LDAH: variants seen among roughly 807,000 people sequenced by gnomAD.
The protein encoded by LDAH is lipid droplet associated hydrolase.
Under a neutral mutation model 29.6 loss-of-function variants are expected in LDAH, and 26 were observed. The ratio of observed to expected loss-of-function variants is 0.88; its 90% CI spans 0.64 to 1.22. LDAH has a LOEUF of 1.22. Among genes scored for constraint, LDAH ranks in the 50% most tolerant of loss-of-function variants. LDAH has a pLI of 0.00. For synonymous variants in LDAH, 117 were observed against 133.0 expected (o/e 0.88, Z 0.83); for missense variants, 344 against 387.3 (o/e 0.89, Z 0.94).
intron 4 of LDAH, among the ~76,000 whole-genome samples, chr2:20,773,149 C>T (rs1669547880): frequency 1.3e-5 from 2 of 152,062 alleles, no homozygotes; most frequent in South Asian, 2.1e-4. Context: ...ATAGCTAATA[C>T]TTATTTGGAA....
At chr2:20,729,768 A>G (rs1284565107) in intron 5 of LDAH, among the ~76,000 whole-genome samples, 1 of 152,220 alleles carries the variant, frequency 6.6e-6, no homozygotes, top group Non-Finnish European at 1.5e-5. Context: ...TTGCAAAACC[A>G]CAGTATAATG....
intron 5 of LDAH, among the ~76,000 whole-genome samples, chr2:20,735,159 C>A (rs2149430772): frequency 6.6e-6 from 1 of 152,252 alleles, no homozygotes; most frequent in African/African-American, 2.4e-5. Context: ...TCTGTAAATT[C>A]ATATCTTTTG....
intron 4 of LDAH, among the ~76,000 whole-genome samples, chr2:20,763,948 G>A (rs1306841833): frequency 6.9e-6 from 1 of 144,520 alleles, no homozygotes; most frequent in Non-Finnish European, 1.5e-5. Context: ...TCCATGCTTG[G>A]TTTCAGCCCA....
intron 4 of LDAH, among the ~76,000 whole-genome samples, chr2:20,760,958 TCTTTC>T (rs1387492791): frequency 6.6e-6 from 1 of 152,184 alleles, no homozygotes; most frequent in Admixed American, 6.5e-5. Flanking sequence ...ACCCCTAAGC[TCTTTC>T]CTTTCACTTA....
chr2:20,726,532 A>G (rs1037693948), intron 5 of LDAH, among the ~76,000 whole-genome samples: 3 of 152,220 alleles, frequency 2.0e-5, no homozygotes, highest in Admixed American at 2.0e-4. Flanking sequence ...AGATAGTCTT[A>G]GAAACCCAGA....
At chr2:20,748,687 G>C (rs1280533282) in intron 4 of LDAH, among the ~76,000 whole-genome samples, 3 of 152,154 alleles carry the variant, frequency 2.0e-5, no homozygotes, top group Non-Finnish European at 4.4e-5. Flanking sequence ...GTGTTCTCCA[G>C]GTAGCCTCAG....
intron 2 of LDAH, among the ~76,000 whole-genome samples, chr2:20,798,013 C>A (rs1038944072): frequency 2.0e-5 from 3 of 151,986 alleles, no homozygotes; most frequent in Non-Finnish European, 4.4e-5. Flanking sequence ...ATACAAAAGG[C>A]GAAAATCAGA....
rs746983389 is a variant in LDAH at position 20,790,372 on chromosome 2, C to T, written c.181G>A (p.Val61Met). The change falls in exon 3 of 7, where the codon GTG becomes ATG. Residue 61 changes from valine to methionine, a missense_variant. Physicochemically the swap from Val to Met is conservative, Grantham distance 21. Transcript: ENST00000237822. ...PGNPGFSAFY[V>M]PFAKALYSLT... ...GAGTATAAAGCCTTTGCAAATGGCACATAAAAGGCAGAAAAACCTGGGTTA... is the reference window on the plus strand; with the variant it reads ...GAGTATAAAGCCTTTGCAAATGGCATATAAAAGGCAGAAAAACCTGGGTTA... 6.8e-6 allele frequency: 11 copies of T among 1,613,366 alleles called. No homozygotes were observed. The East Asian group carries it at 1.8e-4, about 26-fold the overall frequency.
intron 5 of LDAH, among the ~76,000 whole-genome samples, chr2:20,722,099 G>A (rs1181651193): frequency 6.6e-6 from 1 of 152,104 alleles, no homozygotes; most frequent in African/African-American, 2.4e-5. Context: ...CTTACGGCTG[G>A]GCACAGTGGC....
At chr2:20,760,872 AG>A (rs1360048960) in intron 4 of LDAH, among the ~76,000 whole-genome samples, 1 of 152,154 alleles carries the variant, frequency 6.6e-6, no homozygotes, top group Non-Finnish European at 1.5e-5. Flanking sequence ...CCACTTATGG[AG>A]GGGATTACGT....
intron 4 of LDAH, among the ~76,000 whole-genome samples, chr2:20,740,520 GCTGGTCTTGATCTC>G (rs1667101499): frequency 6.6e-6 from 1 of 152,056 alleles, no homozygotes; most frequent in Non-Finnish European, 1.5e-5. Context: ...TGTTGCCCAG[GCTGGTCTTGATCTC>G]CTGGGATCAA....
chr2:20,695,522 G>C (rs186007515), intron 6 of LDAH, among the ~76,000 whole-genome samples: 18 of 147,564 alleles, frequency 1.2e-4, no homozygotes, highest in Admixed American at 8.2e-4. Context: ...GCATGATCTT[G>C]GCTCACTGCA....
intron 4 of LDAH, among the ~76,000 whole-genome samples, chr2:20,757,301 C>T (rs1441510812): frequency 6.6e-6 from 1 of 152,128 alleles, no homozygotes; most frequent in African/African-American, 2.4e-5. Flanking sequence ...AGAGAAGGCA[C>T]TCTAGGCTTT....
At chr2:20,691,834 T>C (rs1167830627) in intron 6 of LDAH, among the ~76,000 whole-genome samples, 1 of 152,218 alleles carries the variant, frequency 6.6e-6, no homozygotes, top group Non-Finnish European at 1.5e-5. Flanking sequence ...GCTTTGGCTT[T>C]TCCTCCTGTG....
Position 20,685,504 on chromosome 2 carries a change from T to C in LDAH, c.*1399A>G. ...CCCTCTGAGAAGTCACTTGCTGTGA[T>C]GTAGAAGCTATGCCAAAGCACAGTA... On this transcript the variant is annotated 3_prime_UTR_variant, in exon 7 of 7. Transcript: ENST00000237822. The C allele has an allele frequency of 6.5e-7, 1 of 1,543,832 alleles. No homozygotes were observed. The highest frequency in any genetic ancestry group is 8.7e-7 in the Non-Finnish European group (1 of 1,143,760).
intron 1 of LDAH, among the ~76,000 whole-genome samples, chr2:20,817,405 A>G: frequency 6.6e-6 from 1 of 152,070 alleles, no homozygotes; most frequent in Admixed American, 6.6e-5. Context: ...CAAAGGCAGT[A>G]CAAAACAAAC....
At chr2:20,791,537 C>T (rs559181463) in intron 2 of LDAH, among the ~76,000 whole-genome samples, 1 of 152,326 alleles carries the variant, frequency 6.6e-6, no homozygotes, top group African/African-American at 2.4e-5. Flanking sequence ...CCTAGTGACC[C>T]AAGTTCCAAA....
rs777531369 is a variant in LDAH, at chr2:20,740,076, G to T, written c.598C>A (p.Pro200Thr). 6.2e-7 allele frequency: 1 copy of T among 1,613,970 alleles called. No homozygotes were observed. Among genetic ancestry groups the T allele is most frequent in the African/African-American group, 1.3e-5 (1 of 74,920 alleles). Reference sequence around the variant, plus strand: ...AAGGACTTGATTGTCTCAGGACACGGTTTCAATAATAAGTAGCCAGTAACA... The same window carrying T: ...AAGGACTTGATTGTCTCAGGACACGTTTTCAATAATAAGTAGCCAGTAACA... ...LYVTGYLLLKPCPETIKSLLI... is the reference protein window; with the variant it reads ...LYVTGYLLLKTCPETIKSLLI... The change falls in exon 5 of 7, where the codon CCG (proline) becomes ACG (threonine). Residue 200 changes from proline (P) to threonine (T), a missense_variant. Transcript: ENST00000237822.
At chr2:20,751,049 C>T (rs1358468756) in intron 4 of LDAH, among the ~76,000 whole-genome samples, 2 of 152,200 alleles carry the variant, frequency 1.3e-5, no homozygotes, top group African/African-American at 4.8e-5. Context: ...GTACTATGCT[C>T]ACTACCTGGG....
Sources: allele counts gnomAD v4.1 joint callset (sites outside exome capture counted in the v4.1 genomes callset), GRCh38; gene constraint gnomAD v4.1.1; transcripts MANE v1.5; gene names NCBI Gene and HGNC (gene_info 2026-07-23, HGNC 2026-07-21).